Variants in KMT2E observed in about 807,000 individuals in gnomAD.
KMT2E encodes the protein histone reader KMT2E.
Under a neutral mutation model 184.6 loss-of-function variants are expected in KMT2E, and 30 were observed. The observed-to-expected ratio is 0.16, with a 90% CI of 0.12 to 0.22. The LOEUF (loss-of-function observed/expected upper bound fraction) is 0.22. KMT2E is among the 10% of genes least tolerant of loss of function. The probability of loss-of-function intolerance (pLI) is 1.00; values close to 1 mark genes in which losing one functional copy is unlikely to be tolerated. For missense variants in KMT2E, 2,023 were observed against 2,237.4 expected, an observed-to-expected ratio of 0.90 and a Z score of 1.93; for synonymous variants, 815 against 776.5, an observed-to-expected ratio of 1.05 and a Z score of -0.82.
In KMT2E at chr7:105,089,321, A is replaced by G. The variant is rs575571350; in HGVS notation, c.1359-688A>G. 20 of 392,858 alleles carry G rather than the reference A, an allele frequency of 5.1e-5. 1 individual carries two copies. Among genetic ancestry groups the G allele is most frequent in the South Asian group, 1.6e-4 (9 of 57,046 alleles). The allele number at this position is 392,858 out of a possible 1,614,324, so 24.3% of individuals were successfully genotyped here. On this transcript the variant is annotated intron_variant, in intron 13 of 26. Transcript: ENST00000311117. ...TCAGGCAATTCTCCTGCCTTAGCCT[A>G]TCGCGTAGCCAGGATTACAGGTGCC...
intron 3 of KMT2E, among the ~76,000 whole-genome samples, chr7:105,057,686 C>G (rs758904224): frequency 4.6e-5 from 7 of 152,122 alleles, no homozygotes; most frequent in Non-Finnish European, 8.8e-5. Context: ...CTTCTGGCCT[C>G]AAGTGATCCT....
intron 6 of KMT2E, among the ~76,000 whole-genome samples, chr7:105,067,945 T>G (rs1376335956): frequency 6.6e-6 from 1 of 152,088 alleles, no homozygotes; most frequent in African/African-American, 2.4e-5. Context: ...GTGCCCCAGC[T>G]TAGATGACAG....
intron 1 of KMT2E, among the ~76,000 whole-genome samples, chr7:105,028,352 G>A (rs1027959383): frequency 6.6e-6 from 1 of 152,008 alleles, no homozygotes; most frequent in South Asian, 2.1e-4. Flanking sequence ...AATTTCTTTG[G>A]AGACTGGGTT....
intron 2 of KMT2E, among the ~76,000 whole-genome samples, chr7:105,040,304 A>G (rs1451749818): frequency 6.6e-6 from 1 of 152,218 alleles, no homozygotes; most frequent in Non-Finnish European, 1.5e-5. Flanking sequence ...CAGATTACTA[A>G]TTATTATAAT....
intron 3 of KMT2E, among the ~76,000 whole-genome samples, chr7:105,044,455 A>G (rs933369179): frequency 6.6e-6 from 1 of 152,164 alleles, no homozygotes; most frequent in African/African-American, 2.4e-5. Context: ...TTTTACAGAT[A>G]TGGGCACTGA....
intron 1 of KMT2E, among the ~76,000 whole-genome samples, chr7:105,019,682 T>C (rs532933155): frequency 6.6e-6 from 1 of 152,198 alleles, no homozygotes; most frequent in Non-Finnish European, 1.5e-5. Flanking sequence ...TGATAAGCAA[T>C]GATCTATGTA....
At chr7:105,015,807 G>A (rs1156484591) in intron 1 of KMT2E, among the ~76,000 whole-genome samples, 1 of 151,828 alleles carries the variant, frequency 6.6e-6, no homozygotes, top group African/African-American at 2.4e-5. Flanking sequence ...CCTTCCCCGA[G>A]CCAGTTACAA....
At chr7:105,023,402 C>CAAAAA (rs1158885663) in intron 1 of KMT2E, among the ~76,000 whole-genome samples, 589 of 55,870 alleles carry the variant, frequency 0.011, 51 homozygotes, top group African/African-American at 0.039. Context: ...GACTCTGTCT[C>CAAAAA]AAAAAAAAAA....
chr7:105,042,094 G>A (rs957399610), intron 3 of KMT2E, among the ~76,000 whole-genome samples: 1 of 152,052 alleles, frequency 6.6e-6, no homozygotes, highest in Admixed American at 6.5e-5. Context: ...AGGCTCAAGG[G>A]ATTCTCATGT....
chr7:105,096,673 G>A (rs1458013561), intron 15 of KMT2E, among the ~76,000 whole-genome samples: 1 of 152,130 alleles, frequency 6.6e-6, no homozygotes, highest in African/African-American at 2.4e-5. Flanking sequence ...CAAAAAAGTA[G>A]ACCATCAATA....
intron 1 of KMT2E, among the ~76,000 whole-genome samples, chr7:105,016,647 TAA>T (rs1794726942): frequency 6.6e-6 from 1 of 152,242 alleles, no homozygotes; most frequent in South Asian, 2.1e-4. Flanking sequence ...TGGGTTGAAC[TAA>T]GCAGTGAGAT....
At chr7:105,100,733 C>T (rs962737029) in intron 15 of KMT2E, among the ~76,000 whole-genome samples, 1 of 152,168 alleles carries the variant, frequency 6.6e-6, no homozygotes, top group Non-Finnish European at 1.5e-5. Context: ...TAATAATTAA[C>T]ATACAGAACG....
At chr7:105,071,394 G>A (rs1797282305) in intron 6 of KMT2E, among the ~76,000 whole-genome samples, 1 of 150,478 alleles carries the variant, frequency 6.6e-6, no homozygotes, top group East Asian at 2.0e-4. Flanking sequence ...TTGAAATGGA[G>A]TGTTGCTGTG....
In KMT2E at chr7:105,112,197, C is replaced by T. The variant is rs1463564958; in HGVS notation, c.4441C>T (p.His1481Tyr). 1.2e-6 allele frequency: 2 copies of T among 1,614,136 alleles called. No homozygotes were observed. The highest frequency in any genetic ancestry group is 1.1e-5 in the South Asian group (1 of 91,080). ...SQQLGSPYRP[H>Y]HSQSPQVGTP... ...GCAGTTAGGATCTCCCTACAGGCCT[C>T]ATCATTCACAGTCACCTCAAGTTGG... The change falls in exon 27 of 27, where the codon CAT becomes TAT. Residue 1481 changes from histidine to tyrosine, a missense_variant. By Grantham distance (83) the His-to-Tyr change is moderately conservative. Around this residue, in one of 8 missense-constraint regions of KMT2E, gnomAD observed 1,108 missense variants for 1,050.9 expected, o/e 1.05. Transcript: ENST00000311117.
At chr7:105,024,804 G>A (rs1033951712) in intron 1 of KMT2E, among the ~76,000 whole-genome samples, 1 of 152,108 alleles carries the variant, frequency 6.6e-6, no homozygotes, top group East Asian at 1.9e-4. Context: ...CTTTTTAAAA[G>A]GCAGGCCACT....
chr7:105,106,218 G>A (rs1320610892), intron 19 of KMT2E, among the ~76,000 whole-genome samples: 1 of 152,080 alleles, frequency 6.6e-6, no homozygotes, highest in Admixed American at 6.5e-5. Flanking sequence ...AAGGCTTCTG[G>A]ACTGGCTGCT....
In KMT2E at chr7:105,114,245, G is replaced by A. The variant is rs1799494096; in HGVS notation, c.*912G>A. 1 of 152,134 alleles carries A rather than the reference G, an allele frequency of 6.6e-6. No individual in the cohort carries two copies. The highest frequency in any genetic ancestry group is 2.4e-5 in the African/African-American group (1 of 41,428). The allele number at this position is 152,134 out of a possible 1,614,324, so 9.4% of individuals were successfully genotyped here. On this transcript the variant is annotated 3_prime_UTR_variant, in exon 27 of 27. Transcript: ENST00000311117. The stretch of plus-strand genomic sequence containing the variant: ...GCTGTTCCTGTGGTGGTTTCTGTTT[G>A]CATTTTTGCAGGAGCCATAGGAAAC...
intron 3 of KMT2E, chr7:105,061,937 C>G (rs556452494): frequency 2.5e-5 from 9 of 354,826 alleles, no homozygotes; most frequent in African/African-American, 1.9e-4. Context: ...GAGAGGGAAA[C>G]TATATTTGAA....
chr7:105,100,295 A>G (rs752871127), intron 15 of KMT2E, among the ~76,000 whole-genome samples: 14 of 152,210 alleles, frequency 9.2e-5, no homozygotes, highest in Non-Finnish European at 1.6e-4. Flanking sequence ...AGGAACAGGT[A>G]AACAGTAGTT....
Sources: allele counts gnomAD v4.1 joint callset (sites outside exome capture counted in the v4.1 genomes callset), GRCh38; gene constraint gnomAD v4.1.1; regional missense constraint gnomAD v4.1.1; transcripts MANE v1.5; gene names NCBI Gene and HGNC (gene_info 2026-07-23, HGNC 2026-07-21).